TRABD2B: variants seen among roughly 807,000 people sequenced by gnomAD.
The protein encoded by TRABD2B is metalloprotease TIKI2.
A neutral mutation model predicts 40.1 loss-of-function variants in TRABD2B; 14 were observed. The ratio of observed to expected loss-of-function variants is 0.35; its 90% CI spans 0.23 to 0.55. TRABD2B has a LOEUF of 0.55. TRABD2B is among the 20% of genes least tolerant of loss of function. TRABD2B has a pLI of 0.90. For missense variants in TRABD2B, 541 were observed against 648.6 expected, an observed-to-expected ratio of 0.83 and a Z score of 1.80; for synonymous variants, 263 against 277.0, an observed-to-expected ratio of 0.95 and a Z score of 0.50.
At chr1:47,871,059 C>G (rs1220831251) in intron 2 of TRABD2B, among the ~76,000 whole-genome samples, 2 of 152,082 alleles carry the variant, frequency 1.3e-5, no homozygotes, top group African/African-American at 2.4e-5. Context: ...TTTCTATATG[C>G]CAGACTATTC....
rs567691199 is a variant in TRABD2B at position 47,914,084 on chromosome 1, C to T, written c.666+79950G>A. ...AGCTTCTCGAATTCTTTGTAGACTT[C>T]CAATGTTCCCAAACACACCATAAGG... On this transcript the variant is annotated intron_variant, in intron 2 of 6. Transcript: ENST00000606738. 2.8e-4 allele frequency among the ~76,000 whole-genome samples: 43 copies of T among 152,358 alleles called. 1 individual carries two copies. The South Asian group carries it at 8.9e-3, about 32-fold the overall frequency.
intron 2 of TRABD2B, among the ~76,000 whole-genome samples, chr1:47,849,282 A>C (rs2124514699): frequency 6.6e-6 from 1 of 152,342 alleles, no homozygotes; most frequent in East Asian, 1.9e-4. Flanking sequence ...GGATTGGGAA[A>C]CACAGAGACA....
intron 2 of TRABD2B, among the ~76,000 whole-genome samples, chr1:47,842,879 G>T (rs1012349781): frequency 3.3e-5 from 5 of 152,174 alleles, no homozygotes; most frequent in Non-Finnish European, 5.9e-5. Flanking sequence ...AAGGGAGGTG[G>T]CAGGAGCTGT....
chr1:47,791,841 G>A lies in TRABD2B; in HGVS notation c.988+2745C>T, dbSNP rs115360565. The stretch of plus-strand genomic sequence containing the variant: ...ACTCTGTAACAGGCCCGCTGGGGTG[G>A]CTCAATGCCCTGCACACAAAAACAG... On this transcript the variant is annotated intron_variant, in intron 4 of 6. Transcript: ENST00000606738. Among the ~76,000 whole-genome samples, 1,072 of 152,318 alleles carry A rather than the reference G, an allele frequency of 7.0e-3. 13 individuals carry two copies. Among genetic ancestry groups the A allele is most frequent in the African/African-American group, 0.025 (1,031 of 41,564 alleles).
rs962763061 is a variant in TRABD2B, at chr1:47,784,577, G to A, written c.989-6033C>T. 8.5e-5 allele frequency among the ~76,000 whole-genome samples: 13 copies of A among 152,192 alleles called. No homozygotes were observed. The East Asian group carries it at 9.6e-4, about 11-fold the overall frequency. On this transcript the variant is annotated intron_variant, in intron 4 of 6. Transcript: ENST00000606738. ...CATCCCAAGCCCATATTTATGTTCC[G>A]TCTGAAATTAATGCAAGGGAAACTT...
At chr1:47,774,828 T>C (rs1474792163) in intron 6 of TRABD2B, among the ~76,000 whole-genome samples, 1 of 152,174 alleles carries the variant, frequency 6.6e-6, no homozygotes, top group Non-Finnish European at 1.5e-5. Flanking sequence ...CTTGTTCCAT[T>C]TTCTCCTAGT....
chr1:47,783,330 G>A (rs994257221), intron 4 of TRABD2B, among the ~76,000 whole-genome samples: 17 of 152,110 alleles, frequency 1.1e-4, no homozygotes, highest in Admixed American at 1.3e-4. Context: ...CAGAGACAGA[G>A]AGGTAAGGAG....
At chr1:47,886,708 A>C (rs1644375421) in intron 2 of TRABD2B, among the ~76,000 whole-genome samples, 1 of 152,164 alleles carries the variant, frequency 6.6e-6, no homozygotes, top group Non-Finnish European at 1.5e-5. Context: ...TATTATGTTT[A>C]CTCACTGCCA....
At chr1:47,851,446 TCA>T (rs1294911124) in intron 2 of TRABD2B, among the ~76,000 whole-genome samples, 2 of 151,990 alleles carry the variant, frequency 1.3e-5, no homozygotes, top group Non-Finnish European at 1.5e-5. Flanking sequence ...GTGTGTGTAG[TCA>T]CAGAGTGGGA....
chr1:47,869,670 A>G (rs1376219838), intron 2 of TRABD2B, among the ~76,000 whole-genome samples: 2 of 152,184 alleles, frequency 1.3e-5, no homozygotes, highest in African/African-American at 4.8e-5. Context: ...GAAGGCAGGA[A>G]AAGAAGGCTT....
chr1:47,975,372 C>T (rs536194789), intron 2 of TRABD2B, among the ~76,000 whole-genome samples: 2 of 152,134 alleles, frequency 1.3e-5, no homozygotes, highest in Non-Finnish European at 2.9e-5. Flanking sequence ...ATTTTCAGGT[C>T]TTTTTGTAAG....
chr1:47,801,240 C>T (rs1644818941), intron 3 of TRABD2B, among the ~76,000 whole-genome samples: 1 of 152,202 alleles, frequency 6.6e-6, no homozygotes, highest in Non-Finnish European at 1.5e-5. Context: ...GGCCCCAGAG[C>T]CACATAGATC....
chr1:47,890,506 G>C (rs1644430188), intron 2 of TRABD2B, among the ~76,000 whole-genome samples: 1 of 152,146 alleles, frequency 6.6e-6, no homozygotes, highest in African/African-American at 2.4e-5. Context: ...GCAACTTCCT[G>C]GGCATCAGTG....
At chr1:47,993,117 G>A (rs1453396401) in intron 2 of TRABD2B, among the ~76,000 whole-genome samples, 5 of 152,220 alleles carry the variant, frequency 3.3e-5, no homozygotes, top group Admixed American at 6.5e-5. Context: ...ACGTCTCTGA[G>A]CCATGCCTCA....
At chr1:47,795,844 C>T (rs1335995124) in intron 3 of TRABD2B, among the ~76,000 whole-genome samples, 1 of 152,162 alleles carries the variant, frequency 6.6e-6, no homozygotes, top group African/African-American at 2.4e-5. Context: ...CATGGCTTCC[C>T]CCAAGTTGGC....
intron 4 of TRABD2B, among the ~76,000 whole-genome samples, chr1:47,785,612 A>G (rs931225581): frequency 6.6e-6 from 1 of 152,220 alleles, no homozygotes; most frequent in African/African-American, 2.4e-5. Context: ...AAAGGGGCAG[A>G]GCTGGGCTCA....
chr1:47,894,975 G>A (rs1644496937), intron 2 of TRABD2B, among the ~76,000 whole-genome samples: 2 of 152,228 alleles, frequency 1.3e-5, no homozygotes, highest in South Asian at 4.2e-4. Flanking sequence ...GGAGCCTCCT[G>A]CCTCCTCCTC....
chr1:47,913,111 C>T (rs993573466), intron 2 of TRABD2B, among the ~76,000 whole-genome samples: 1 of 152,172 alleles, frequency 6.6e-6, no homozygotes, highest in African/African-American at 2.4e-5. Context: ...CTTTAGCCTC[C>T]ACTCCAGGGC....
chr1:47,994,517 G>A lies in TRABD2B; in HGVS notation c.183C>T (p.Tyr61=), dbSNP rs376176850. The change falls in exon 2 of 7, where the codon TAC becomes TAT. Residue 61 remains tyrosine (Y), a synonymous_variant. Coordinates refer to ENST00000606738, the MANE Select transcript of TRABD2B (RefSeq NM_001194986.2). The surrounding 1 kb of genome is among the most constrained non-coding windows in gnomAD (Gnocchi z 6.7). ...CCGGGATGAAGTCCCAGACGCGGGTGTAGGGGACGTGAATAGTGCCAAACA... is the reference window on the plus strand; with the variant it reads ...CCGGGATGAAGTCCCAGACGCGGGTATAGGGGACGTGAATAGTGCCAAACA... ...AYLFGTIHVP[Y]TRVWDFIPDN... 1.3e-4 allele frequency: 196 copies of A among 1,536,164 alleles called. No homozygotes were observed. The East Asian group carries it at 2.0e-3, about 16-fold the overall frequency.
Sources: allele counts gnomAD v4.1 joint callset (sites outside exome capture counted in the v4.1 genomes callset), GRCh38; gene constraint gnomAD v4.1.1; non-coding constraint Gnocchi (gnomAD v3.1); transcripts MANE v1.5; gene names NCBI Gene and HGNC (gene_info 2026-07-23, HGNC 2026-07-21).